The following BTRC variants were observed in gnomAD, a reference collection of about 807,000 sequenced individuals.
The protein encoded by BTRC is beta-transducin repeat containing E3 ubiquitin protein ligase.
In BTRC, 42 loss-of-function variants were observed where a neutral mutation model predicts 85.5. That is an observed-to-expected ratio of 0.49 (90% CI 0.38 to 0.64). The LOEUF (loss-of-function observed/expected upper bound fraction) is 0.64. Among genes scored for constraint, BTRC ranks in the 30% least tolerant of loss-of-function variants. The pLI is 0.00. For synonymous variants in BTRC, 255 were observed against 263.3 expected, an observed-to-expected ratio of 0.97 and a Z score of 0.30; for missense variants, 594 against 743.5, an observed-to-expected ratio of 0.80 and a Z score of 2.34.
intron 1 of BTRC, among the ~76,000 whole-genome samples, chr10:101,375,266 GCCCCCCTCTCTTC>G (rs923794654): frequency 6.6e-6 from 1 of 151,744 alleles, no homozygotes; most frequent in Non-Finnish European, 1.5e-5. Flanking sequence ...CACCTTCTCT[GCCCCCCTCTCTTC>G]CCCCCTTCTC....
rs748703752 is a variant in BTRC, at chr10:101,431,070, C to CTTT, written c.156+640_156+642dup. Among the ~76,000 whole-genome samples, 415 of 71,292 alleles carry CTTT rather than the reference C, an allele frequency of 5.8e-3. 8 individuals carry two copies. The highest frequency in any genetic ancestry group is 6.5e-3 in the African/African-American group (113 of 17,470). The allele number at this position is 71,292 out of a possible 152,430, so 46.8% of individuals were successfully genotyped here. On this transcript the variant is annotated intron_variant, in intron 2 of 14. Transcript: ENST00000370187. ...CAGATTCCAGTTCCCCTCAGCCTTT[C>CTTT]TTTTTTTTTTTTTTTTTTTTTTTTG...
At chr10:101,439,921 T>C (rs1944636949) in intron 2 of BTRC, among the ~76,000 whole-genome samples, 1 of 152,270 alleles carries the variant, frequency 6.6e-6, no homozygotes, top group African/African-American at 2.4e-5. Flanking sequence ...TATATGGCAG[T>C]ATTGCCAGGC....
chr10:101,538,027 T>TC (rs2062412694), intron 12 of BTRC, among the ~76,000 whole-genome samples: 1 of 152,188 alleles, frequency 6.6e-6, no homozygotes, highest in Non-Finnish European at 1.5e-5. Context: ...AGAGGATGCT[T>TC]CACAGTTGTA....
At chr10:101,398,261 A>C (rs1443098807) in intron 1 of BTRC, among the ~76,000 whole-genome samples, 1 of 152,166 alleles carries the variant, frequency 6.6e-6, no homozygotes, top group Non-Finnish European at 1.5e-5. Flanking sequence ...CCATAAAATT[A>C]AGTATTTTAT....
intron 4 of BTRC, among the ~76,000 whole-genome samples, chr10:101,519,128 G>A (rs2062065071): frequency 1.3e-5 from 2 of 148,910 alleles, no homozygotes; most frequent in South Asian, 4.3e-4. Context: ...GCCCAGGCTG[G>A]AGTGCAATGG....
intron 4 of BTRC, among the ~76,000 whole-genome samples, chr10:101,494,064 G>C (rs1304861925): frequency 6.6e-6 from 1 of 152,174 alleles, no homozygotes; most frequent in Non-Finnish European, 1.5e-5. Context: ...TACTGTCTTA[G>C]GAAAAACACA....
intron 4 of BTRC, among the ~76,000 whole-genome samples, chr10:101,505,649 A>T (rs1398645160): frequency 4.0e-5 from 6 of 151,750 alleles, no homozygotes; most frequent in South Asian, 4.2e-4. Context: ...AATAATAATA[A>T]AAAAACAAAT....
chr10:101,459,280 G>A (rs1278037900), intron 2 of BTRC, among the ~76,000 whole-genome samples: 1 of 152,166 alleles, frequency 6.6e-6, no homozygotes, highest in African/African-American at 2.4e-5. Flanking sequence ...CCTGGGTGAT[G>A]TTGGACAGGC....
In BTRC at chr10:101,556,352, G is replaced by A. The variant is rs2062723886; in HGVS notation, c.*3229G>A. ...CACTTGATTGTGTGGGGAAACAAAG[G>A]TGGGAGGGGTGGGGAATACTGGAAA... On this transcript the variant is annotated 3_prime_UTR_variant, in exon 15 of 15. Transcript: ENST00000370187. 1 of 152,150 alleles carries A rather than the reference G, an allele frequency of 6.6e-6. No individual in the cohort carries two copies. The highest frequency in any genetic ancestry group is 6.5e-5 in the Admixed American group (1 of 15,276). 9.4% of individuals were successfully genotyped at this position (152,150 alleles called of 1,614,324 possible).
intron 4 of BTRC, among the ~76,000 whole-genome samples, chr10:101,484,178 A>G (rs1945921514): frequency 6.6e-6 from 1 of 152,204 alleles, no homozygotes; most frequent in East Asian, 1.9e-4. Context: ...ATTTGAGACT[A>G]ATAATCTGTT....
At chr10:101,528,447 C>G (rs1224006094) in intron 6 of BTRC, among the ~76,000 whole-genome samples, 1 of 152,192 alleles carries the variant, frequency 6.6e-6, no homozygotes, top group African/African-American at 2.4e-5. Context: ...CAGGATCCAG[C>G]ACTAATTACC....
chr10:101,446,251 A>T (rs752784555), intron 2 of BTRC, among the ~76,000 whole-genome samples: 1 of 152,048 alleles, frequency 6.6e-6, no homozygotes, highest in Non-Finnish European at 1.5e-5. Context: ...GAAAAATCCT[A>T]CTAGCCTCTA....
At chr10:101,396,080 A>G (rs1476385439) in intron 1 of BTRC, among the ~76,000 whole-genome samples, 1 of 151,972 alleles carries the variant, frequency 6.6e-6, no homozygotes, top group Non-Finnish European at 1.5e-5. Context: ...TATTGATTTA[A>G]GCTATTAAAG....
intron 2 of BTRC, among the ~76,000 whole-genome samples, chr10:101,457,795 C>G (rs1945119414): frequency 1.3e-5 from 2 of 152,054 alleles, no homozygotes; most frequent in African/African-American, 2.4e-5. Flanking sequence ...TCTCCCATTT[C>G]TTAACATTTT....
Position 101,428,028 on chromosome 10 carries a change from T to C in BTRC, c.49-2317T>C, listed in dbSNP as rs184833475. On this transcript the variant is annotated intron_variant, in intron 1 of 14. Transcript: ENST00000370187. ...TTTTTACCCTATTTTCTCCATTCTC[T>C]TTCTGTTGCCTTCTCCTTCCAATGT... 3.3e-4 allele frequency among the ~76,000 whole-genome samples: 50 copies of C among 152,322 alleles called. 1 individual carries two copies. The highest frequency in any genetic ancestry group is 2.9e-3 in the Admixed American group (44 of 15,298).
chr10:101,479,554 G>T, intron 4 of BTRC, 97 bp downstream of exon 4: 1 of 945,828 alleles, frequency 1.1e-6, no homozygotes, highest in Non-Finnish European at 1.5e-6. Context: ...ATTATTACAG[G>T]ATTATATAGT....
chr10:101,428,481 T>G (rs1300221607), intron 1 of BTRC, among the ~76,000 whole-genome samples: 1 of 152,222 alleles, frequency 6.6e-6, no homozygotes, highest in Non-Finnish European at 1.5e-5. Context: ...TTGGAGTAAT[T>G]CAAAGCAGTT....
At chr10:101,540,390 G>T (rs1421458440) in intron 13 of BTRC, among the ~76,000 whole-genome samples, 4 of 152,066 alleles carry the variant, frequency 2.6e-5, no homozygotes, top group Non-Finnish European at 2.9e-5. Context: ...CTGTCCTTTC[G>T]AAATGCTTTT....
intron 1 of BTRC, among the ~76,000 whole-genome samples, chr10:101,364,541 A>G (rs1051889051): frequency 6.6e-6 from 1 of 152,240 alleles, no homozygotes; most frequent in African/African-American, 2.4e-5. Flanking sequence ...TAAGGTTGCA[A>G]AGATCAGGTG....
Sources: allele counts gnomAD v4.1 joint callset (sites outside exome capture counted in the v4.1 genomes callset), GRCh38; gene constraint gnomAD v4.1.1; transcripts MANE v1.5; gene names NCBI Gene and HGNC (gene_info 2026-07-23, HGNC 2026-07-21).